The following RBFOX1 variants were observed in gnomAD, a reference collection of about 807,000 sequenced individuals.
The protein encoded by RBFOX1 is RNA binding fox-1 homolog 1.
A neutral mutation model predicts 57.7 loss-of-function variants in RBFOX1; 8 were observed. That is an observed-to-expected ratio of 0.14 (90% CI 0.08 to 0.25). The LOEUF (loss-of-function observed/expected upper bound fraction) is 0.25. Ranked by LOEUF, RBFOX1 falls within the 10% of genes least tolerant of loss-of-function variation. The pLI is 1.00. For missense variants in RBFOX1, 611 were observed against 548.5 expected (o/e 1.11, Z -1.14); for synonymous variants, 326 against 222.4 (o/e 1.47, Z -4.15).
chr16:6,624,952 G>C (rs1463004269), intron 2 of RBFOX1, among the ~76,000 whole-genome samples: 1 of 151,976 alleles, frequency 6.6e-6, no homozygotes, highest in Non-Finnish European at 1.5e-5. Flanking sequence ...ATCACTTGAG[G>C]TCAGGAGTTT....
chr16:7,699,714 GAAAATA>G (rs1286249549), intron 14 of RBFOX1, among the ~76,000 whole-genome samples: 3 of 151,862 alleles, frequency 2.0e-5, no homozygotes, highest in Non-Finnish European at 4.4e-5. Context: ...ATATTCTGGA[GAAAATA>G]AAAATGAGTT....
In RBFOX1 at chr16:7,212,774, A is replaced by T. The variant is rs562067414; in HGVS notation, c.27+160676A>T. Among the ~76,000 whole-genome samples, 22 of 152,342 alleles carry T rather than the reference A, an allele frequency of 1.4e-4. No individual in the cohort carries two copies. The South Asian group carries it at 4.1e-3, about 29-fold the overall frequency. ...GATAGGTGCAGCAAACCACCATGGC[A>T]CATGTATACCTATGTAACAAACCTG... On this transcript the variant is annotated intron_variant, in intron 4 of 15. Coordinates refer to ENST00000550418, the MANE Select transcript of RBFOX1 (RefSeq NM_018723.4).
In RBFOX1 at chr16:6,049,709, A is replaced by AT. The variant is rs1458177223; in HGVS notation, c.-127+29724dup. ...ATTTCCAATTCTAAAAATAGTCTTT[A>AT]TTTTTTTACAGCAGTTTCAGGTTCA... On this transcript the variant is annotated intron_variant, in intron 1 of 15. Coordinates refer to ENST00000550418, the MANE Select transcript of RBFOX1 (RefSeq NM_018723.4). Among the ~76,000 whole-genome samples the AT allele has an allele frequency of 5.9e-5, 9 of 152,042 alleles. No individual in the cohort carries two copies. The South Asian group carries it at 1.7e-3, about 28-fold the overall frequency.
chr16:5,854,446 C>G (rs1025191911), intron 3 of RBFOX1, among the ~76,000 whole-genome samples: 2 of 152,092 alleles, frequency 1.3e-5, no homozygotes, highest in African/African-American at 4.8e-5. Flanking sequence ...GTCTTTGTGT[C>G]TCTGGCTTAT....
At chr16:5,659,489 G>A (rs939843352) in intron 3 of RBFOX1, among the ~76,000 whole-genome samples, 1 of 152,004 alleles carries the variant, frequency 6.6e-6, no homozygotes, top group Non-Finnish European at 1.5e-5. Context: ...ATTGTTAGTA[G>A]AGACGGGGTT....
At chr16:5,781,068 T>A (rs188505891) in intron 3 of RBFOX1, among the ~76,000 whole-genome samples, 5 of 152,336 alleles carry the variant, frequency 3.3e-5, no homozygotes, top group Non-Finnish European at 4.4e-5. Flanking sequence ...GTTTGGCAAC[T>A]TTTAAAAACC....
intron 3 of RBFOX1, among the ~76,000 whole-genome samples, chr16:6,910,675 G>A (rs1490032226): frequency 6.6e-6 from 1 of 152,152 alleles, no homozygotes; most frequent in Middle Eastern, 3.2e-3. Context: ...GAGGCTCGTG[G>A]CCCTTCTCAG....
intron 4 of RBFOX1, among the ~76,000 whole-genome samples, chr16:5,897,226 G>A (rs991812266): frequency 1.6e-4 from 24 of 151,498 alleles, no homozygotes; most frequent in Admixed American, 7.2e-4. Flanking sequence ...TAGTAGAGAC[G>A]GGGTTTCACC....
Position 5,488,089 on chromosome 16 carries a change from G to A in RBFOX1, c.258+20835G>A, listed in dbSNP as rs530865771. On this transcript the variant is annotated intron_variant, in intron 2 of 2. Coordinates refer to the RBFOX1 transcript ENST00000585867. The stretch of plus-strand genomic sequence containing the variant: ...ATGGTGATGATAATGGAGGATTATG[G>A]TGATGATGGTGATGGTGGTGGTGGT... Among the ~76,000 whole-genome samples, 30 of 149,776 alleles carry A rather than the reference G, an allele frequency of 2.0e-4. No homozygotes were observed. In the South Asian group the frequency reaches 6.4e-3, roughly 32 times the overall value.
intron 2 of RBFOX1, among the ~76,000 whole-genome samples, chr16:6,653,249 T>C (rs750553316): frequency 1.1e-4 from 17 of 152,114 alleles, no homozygotes; most frequent in Non-Finnish European, 1.9e-4. Flanking sequence ...TTCTCCTTGG[T>C]TTATTTTTCT....
chr16:6,645,325 G>A (rs1055156961), intron 2 of RBFOX1, among the ~76,000 whole-genome samples: 3 of 152,076 alleles, frequency 2.0e-5, no homozygotes, highest in Non-Finnish European at 2.9e-5. Context: ...TCTTTTGGGG[G>A]GCTGCTGTTG....
chr16:6,848,521 C>G (rs191688418), intron 3 of RBFOX1, among the ~76,000 whole-genome samples: 91 of 151,006 alleles, frequency 6.0e-4, no homozygotes, highest in African/African-American at 2.2e-3. Flanking sequence ...TTGGTCAAAT[C>G]TAAATAGCTA....
At chr16:7,561,025 C>G (rs2017161597) in intron 5 of RBFOX1, among the ~76,000 whole-genome samples, 1 of 152,184 alleles carries the variant, frequency 6.6e-6, no homozygotes. Context: ...TAGGAGCTCC[C>G]TACTGGTTCA....
intron 15 of RBFOX1, chr16:7,710,290 C>A (rs1418355746): frequency 8.8e-7 from 1 of 1,135,074 alleles, no homozygotes; most frequent in East Asian, 6.7e-5. Context: ...CATTCAACAA[C>A]TGGTCCAAAT....
intron 2 of RBFOX1, among the ~76,000 whole-genome samples, chr16:6,506,205 C>A (rs1162923118): frequency 6.6e-6 from 1 of 152,000 alleles, no homozygotes; most frequent in Admixed American, 6.6e-5. Context: ...CATGTAGATG[C>A]CCCAAGTGGG....
intron 11 of RBFOX1, among the ~76,000 whole-genome samples, chr16:7,643,750 A>G (rs1265193356): frequency 6.6e-6 from 1 of 152,226 alleles, no homozygotes; most frequent in Non-Finnish European, 1.5e-5. Flanking sequence ...TACCAGGAAC[A>G]TAAATCAGTG....
At chr16:6,930,972 T>C (rs978796698) in intron 3 of RBFOX1, among the ~76,000 whole-genome samples, 2 of 151,958 alleles carry the variant, frequency 1.3e-5, no homozygotes, top group African/African-American at 4.8e-5. Context: ...CCTACACACA[T>C]ACATATGTAC....
intron 1 of RBFOX1, among the ~76,000 whole-genome samples, chr16:6,041,548 A>C (rs2095436354): frequency 1.3e-5 from 2 of 152,148 alleles, no homozygotes; most frequent in Non-Finnish European, 2.9e-5. Context: ...TTTACGGATG[A>C]GGAAACTCCT....
rs572487170 is a variant in RBFOX1 at position 7,681,888 on chromosome 16, G to GT, written c.995+5051dup. Among the ~76,000 whole-genome samples, 12 of 152,258 alleles carry GT rather than the reference G, an allele frequency of 7.9e-5. No individual in the cohort carries two copies. In the South Asian group the frequency reaches 2.3e-3, roughly 29 times the overall value. On this transcript the variant is annotated intron_variant, in intron 14 of 15. Transcript: ENST00000550418. ...TGAAAATATTTCTAGCTAAACAGCA[G>GT]TAGCAGCCCTTGTTCTTATTCTTTG...
Sources: allele counts gnomAD v4.1 joint callset (sites outside exome capture counted in the v4.1 genomes callset), GRCh38; gene constraint gnomAD v4.1.1; transcripts MANE v1.5; gene names NCBI Gene and HGNC (gene_info 2026-07-23, HGNC 2026-07-21).